ROBO4: variants seen among roughly 807,000 people sequenced by gnomAD.
ROBO4 encodes roundabout homolog 4.
In ROBO4, 80 loss-of-function variants were observed where a neutral mutation model predicts 103.3. The ratio of observed to expected loss-of-function variants is 0.77; its 90% CI spans 0.65 to 0.93. The LOEUF is 0.93. ROBO4 is among the 40% of genes least tolerant of loss of function. The pLI, the probability that ROBO4 is intolerant of heterozygous loss-of-function variation, is 0.00. For missense variants in ROBO4, 1,333 were observed against 1,305.3 expected, an observed-to-expected ratio of 1.02 and a Z score of -0.33; for synonymous variants, 504 against 529.7, an observed-to-expected ratio of 0.95 and a Z score of 0.67.
chr11:124,895,448 G>A lies in ROBO4; in HGVS notation c.1036+9C>T, dbSNP rs1214756588. On this transcript the variant is annotated intron_variant, in intron 6 of 17. Transcript: ENST00000306534. ...ATATTGTTGGCTTCTGAAGGGATCA[G>A]GCCCTGACCTTTTTCCGGCAGCCTC... 6.2e-7 allele frequency: 1 copy of A among 1,607,368 alleles called. No individual in the cohort carries two copies. Among genetic ancestry groups the A allele is most frequent in the Non-Finnish European group, 8.5e-7 (1 of 1,179,220 alleles).
At chr11:124,892,127 G>GCTTGGGTAAGTACATCTGTTGCA in intron 10 of ROBO4, 1 of 537,210 alleles carries the variant, frequency 1.9e-6, no homozygotes, top group Non-Finnish European at 3.6e-6. Flanking sequence ...TCACAGCTTA[G>GCTTGGGTAAGTACATCTGTTGCA]CTTGGGTAAG....
intron 12 of ROBO4, among the ~76,000 whole-genome samples, chr11:124,889,565 A>G (rs1450058176): frequency 6.6e-6 from 1 of 152,236 alleles, no homozygotes; most frequent in Non-Finnish European, 1.5e-5. Context: ...TATTTGTTTG[A>G]ATAAAATAAT....
chr11:124,896,797 T>TGCCCTCCCAAGCCTTCCAGCCC, intron 2 of ROBO4, 127 bp from the exon 3 acceptor site: 1 of 1,511,666 alleles, frequency 6.6e-7, no homozygotes, highest in African/African-American at 1.4e-5. Flanking sequence ...CGCCCCAGCT[T>TGCCCTCCCAAGCCTTCCAGCCC]GCCCTCCCAA....
At chr11:124,888,768 G>A (rs1434591866) in intron 12 of ROBO4, among the ~76,000 whole-genome samples, 1 of 152,240 alleles carries the variant, frequency 6.6e-6, no homozygotes, top group South Asian at 2.1e-4. Context: ...CTGTGAGCAT[G>A]CTTCTTGGTC....
At chr11:124,893,574 G>C (rs1465627863) in intron 10 of ROBO4, 114 bp downstream of exon 10, 8 of 908,928 alleles carry the variant, frequency 8.8e-6, no homozygotes, top group Middle Eastern at 2.3e-4. Flanking sequence ...AGAGATTCAT[G>C]TACGACAGTC....
In ROBO4 at chr11:124,885,100, G is replaced by A; in HGVS notation, c.2942C>T (p.Pro981Leu). 1 of 1,614,102 alleles carries A rather than the reference G, an allele frequency of 6.2e-7. No homozygotes were observed. The change falls in exon 17 of 18, where the codon CCT becomes CTT. Residue 981 changes from proline to leucine, a missense_variant. Physicochemically the swap from Pro to Leu is moderately conservative, Grantham distance 98. Coordinates refer to ENST00000306534, the MANE Select transcript of ROBO4 (RefSeq NM_019055.6). ...RLGRGMPPWP[P>L]DSQISSQRSQ... ...TCTCTGGGAAGAGATCTGAGAGTCA[G>A]GGGGCCAGGGAGGCATCCCCCTTCC...
chr11:124,887,234 A>G, intron 14 of ROBO4, 21 bp from the exon 15 acceptor site: 1 of 1,584,788 alleles, frequency 6.3e-7, no homozygotes, highest in Non-Finnish European at 8.6e-7. Context: ...GGAGAGAGTG[A>G]TGGCACCGTA....
chr11:124,897,762 TG>T lies in ROBO4; in HGVS notation c.33del (p.Arg12GlyfsTer24). The stretch of plus-strand genomic sequence containing the variant: ...AGGAGCAGCAGAGGCAGGGAACCCC[TG>T]CCCCCCAGGAGGCTGTCTCCTCCAG... The part of the protein sequence containing the change: MGSGGDSLLG[G>X]RGSLPLLLLL... On this transcript the variant is annotated frameshift_variant, in exon 1 of 18. Transcript: ENST00000306534. LOFTEE classifies it high-confidence loss of function. 1 of 1,613,976 alleles carries T rather than the reference TG, an allele frequency of 6.2e-7. No individual in the cohort carries two copies. The highest frequency in any genetic ancestry group is 8.5e-7 in the Non-Finnish European group (1 of 1,179,942).
chr11:124,891,223 C>A, intron 12 of ROBO4, 76 bp downstream of exon 12: 1 of 1,484,418 alleles, frequency 6.7e-7, no homozygotes, highest in Non-Finnish European at 9.0e-7. Context: ...GGCTTTGAGG[C>A]CTTGTTCCCA....
In ROBO4 at chr11:124,895,734, G is replaced by A. The variant is rs138077339; in HGVS notation, c.808-49C>T. ...GCGGGGGGTCAGAGAGCTCAGGAAC[G>A]CCCTTTCTTGAGCTCTGGATCGGCT... is the stretch of plus-strand genomic sequence containing the variant. On this transcript the variant is annotated intron_variant, in intron 5 of 17. Coordinates refer to ENST00000306534, the MANE Select transcript of ROBO4 (RefSeq NM_019055.6). 3.1e-4 allele frequency: 498 copies of A among 1,612,740 alleles called. 2 individuals are homozygous for A. The East Asian group carries it at 8.2e-3, about 27-fold the overall frequency.
In ROBO4 at chr11:124,890,740, T is replaced by C. The variant is rs113192684; in HGVS notation, c.1948+559A>G. Among the ~76,000 whole-genome samples the C allele has an allele frequency of 9.8e-3, 1,498 of 152,334 alleles. 17 individuals are homozygous for C. Among genetic ancestry groups the C allele is most frequent in the African/African-American group, 0.025 (1,059 of 41,572 alleles). ...TCTCTGAAAAGTCTAAGAATGCAGC[T>C]GGGAGTCAGGAGATAAACCTGTCCA... On this transcript the variant is annotated intron_variant, in intron 12 of 17. Coordinates refer to ENST00000306534, the MANE Select transcript of ROBO4 (RefSeq NM_019055.6).
Position 124,887,574 on chromosome 11 carries a change from A to C in ROBO4, c.2057-75T>G, listed in dbSNP as rs1591530918. ...TGGAGCTCAGCCTGCCGGCCTGCCC[A>C]CCAGCCCCCTTAGCTACCTGTCCAC... On this transcript the variant is annotated intron_variant, in intron 13 of 17. Transcript: ENST00000306534. 3.8e-5 allele frequency: 61 copies of C among 1,590,284 alleles called. No individual in the cohort carries two copies. The South Asian group carries it at 6.6e-4, about 17-fold the overall frequency.
At position 124,895,889 on chromosome 11, in the gene ROBO4, C is replaced by T. The variant is rs776228672; in HGVS notation, c.703G>A (p.Val235Met). 8.7e-6 allele frequency: 14 copies of T among 1,613,914 alleles called. No individual in the cohort carries two copies. The South Asian group carries it at 1.2e-4, about 14-fold the overall frequency. The change falls in exon 5 of 18, where the codon GTG (valine) becomes ATG (methionine). Residue 235 changes from valine (V) to methionine (M), a missense_variant. By Grantham distance (21) the Val-to-Met change is conservative (BLOSUM62 1). Transcript: ENST00000306534. Reference sequence around the variant, plus strand: ...TGAATTCGCACAGCCAGAAGCTCCACAGGCTCCGTGTAGTCCTGGGGCTCT... The same window carrying T: ...TGAATTCGCACAGCCAGAAGCTCCATAGGCTCCGTGTAGTCCTGGGGCTCT... ...IQEPQDYTEP[V>M]ELLAVRIQLE...
At position 124,894,317 on chromosome 11, in the gene ROBO4, C is replaced by T. The variant is rs373146942; in HGVS notation, c.1202G>A (p.Gly401Asp). Residue 401 changes from glycine to aspartate, a missense_variant, in exon 8 of 18, where the codon GGT becomes GAT. Gly to Asp is a moderately conservative substitution (Grantham distance 94, BLOSUM62 -1). Coordinates refer to ENST00000306534, the MANE Select transcript of ROBO4 (RefSeq NM_019055.6). ...SLPPANWTVV[G>D]EQTQLEIATH... Reference sequence around the variant, plus strand: ...GGCGATTTCCAGCTGGGTCTGCTCACCAACTACAGTCCAGTTGGCTGGTGG... The same window carrying T: ...GGCGATTTCCAGCTGGGTCTGCTCATCAACTACAGTCCAGTTGGCTGGTGG... 8.1e-6 allele frequency: 13 copies of T among 1,614,030 alleles called. No homozygotes were observed. Among genetic ancestry groups the T allele is most frequent in the Non-Finnish European group, 1.1e-5 (13 of 1,180,020 alleles).
At position 124,885,141 on chromosome 11, in the gene ROBO4, G is replaced by A. The variant is rs372388963; in HGVS notation, c.2901C>T (p.Ser967=). The change falls in exon 17 of 18, where the codon AGC becomes AGT. Residue 967 remains serine, a synonymous_variant. Coordinates refer to ENST00000306534, the MANE Select transcript of ROBO4 (RefSeq NM_019055.6). ...RPDWLEDMEV[S]HTQRLGRGMP... ...TCCCCCTTCCCAGCCGCTGGGTGTG[G>A]CTGACCTCCATGTCTTCCAACCAGT... 3.4e-5 allele frequency: 55 copies of A among 1,613,918 alleles called. No individual in the cohort carries two copies. The highest frequency in any genetic ancestry group is 4.6e-5 in the Non-Finnish European group (54 of 1,180,030).
Position 124,896,685 on chromosome 11 carries a change from G to A in ROBO4, c.401-15C>T, listed in dbSNP as rs762490946. On this transcript the variant is annotated splice_polypyrimidine_tract_variant and intron_variant, in intron 2 of 17. Coordinates refer to ENST00000306534, the MANE Select transcript of ROBO4 (RefSeq NM_019055.6). ...CTCCCGGAGGACTGTGGGGAGGATG[G>A]AAGGTGACACGGAGCAGGGCCCAGG... 1.9e-6 allele frequency: 3 copies of A among 1,613,052 alleles called. No individual in the cohort carries two copies. Among genetic ancestry groups the A allele is most frequent in the Admixed American group, 1.7e-5 (1 of 59,902 alleles).
At position 124,891,810 on chromosome 11, in the gene ROBO4, A is replaced by G; in HGVS notation, c.1548-8T>C. 1 of 1,613,812 alleles carries G rather than the reference A, an allele frequency of 6.2e-7. No homozygotes were observed. The highest frequency in any genetic ancestry group is 8.5e-7 in the Non-Finnish European group (1 of 1,179,806). ...GAGTCACTGTGATCCATCCTGGGGC[A>G]GTGGAGGGAGGGGGTGAGGCCAGGA... On this transcript the variant is annotated splice_polypyrimidine_tract_variant and splice_region_variant and intron_variant, in intron 10 of 17. Coordinates refer to ENST00000306534, the MANE Select transcript of ROBO4 (RefSeq NM_019055.6).
intron 5 of ROBO4, 29 bp downstream of exon 5, chr11:124,895,756 G>C (rs369105950): frequency 6.2e-7 from 1 of 1,613,796 alleles, no homozygotes; most frequent in South Asian, 1.1e-5. Flanking sequence ...GCTCTGGATC[G>C]GCTTTTACCC....
Position 124,897,177 on chromosome 11 carries a change from C to G in ROBO4, c.155G>C (p.Ser52Thr), listed in dbSNP as rs746591885. 2.0e-6 allele frequency: 3 copies of G among 1,533,944 alleles called. No homozygotes were observed. Among genetic ancestry groups the G allele is most frequent in the East Asian group, 4.6e-5 (2 of 43,786 alleles). Residue 52 changes from serine to threonine, a missense_variant, in exon 2 of 18, where the codon AGC (serine) becomes ACC (threonine). Physicochemically the swap from Ser to Thr is moderately conservative, Grantham distance 58. Coordinates refer to ENST00000306534, the MANE Select transcript of ROBO4 (RefSeq NM_019055.6). ...LFQGPGPARM[S>T]CQASGQPPPT... ...AGGTGGCTGGCCTGAGGCTTGGCAG[C>G]TCATCCTGGCAGGGCCAGGGCCCTG...
Sources: allele counts gnomAD v4.1 joint callset (sites outside exome capture counted in the v4.1 genomes callset), GRCh38; gene constraint gnomAD v4.1.1; transcripts MANE v1.5; gene names NCBI Gene and HGNC (gene_info 2026-07-23, HGNC 2026-07-21).